The following C12orf42 variants were observed in gnomAD, a reference collection of about 807,000 sequenced individuals.
The protein encoded by C12orf42 is uncharacterized protein C12orf42.
C12orf42 carries 25 observed loss-of-function variants against 21.6 expected under a neutral mutation model. That is an observed-to-expected ratio of 1.16 (90% CI 0.84 to 1.62). The LOEUF (loss-of-function observed/expected upper bound fraction) is 1.62. C12orf42 is among the 40% of genes most tolerant of loss of function. C12orf42 has a pLI of 0.00. For missense variants in C12orf42, 483 were observed against 459.3 expected (o/e 1.05, Z -0.47); for synonymous variants, 174 against 175.0 (o/e 0.99, Z 0.05).
chr12:103,501,632 G>C, the C12orf42 span, among the ~76,000 whole-genome samples: 1 of 152,152 alleles, frequency 6.6e-6, no homozygotes, highest in Non-Finnish European at 1.5e-5. Flanking sequence ...TGTCCAGACT[G>C]TGTACATTGC....
chr12:103,094,997 A>C, the C12orf42 span, among the ~76,000 whole-genome samples: 2 of 152,368 alleles, frequency 1.3e-5, no homozygotes, highest in Admixed American at 6.5e-5. Context: ...TAATTTTACC[A>C]CAGGTCCAAA....
intron 10 of C12orf42, among the ~76,000 whole-genome samples, chr12:103,259,470 G>C (rs1024745914): frequency 2.0e-5 from 3 of 152,082 alleles, no homozygotes; most frequent in Non-Finnish European, 4.4e-5. Flanking sequence ...GTAGAGACAG[G>C]GTTTCACCAA....
At chr12:103,152,481 C>A in the C12orf42 span, among the ~76,000 whole-genome samples, 2 of 151,640 alleles carry the variant, frequency 1.3e-5, no homozygotes, top group African/African-American at 4.9e-5. Flanking sequence ...CTAGCAAATG[C>A]AACAAAACAA....
chr12:103,517,622 A>T, the C12orf42 span, among the ~76,000 whole-genome samples: 1 of 152,184 alleles, frequency 6.6e-6, no homozygotes, highest in South Asian at 2.1e-4. Flanking sequence ...AAAAGACACC[A>T]CAGTGGTACA....
the C12orf42 span, among the ~76,000 whole-genome samples, chr12:103,051,895 T>C: frequency 6.6e-6 from 1 of 152,210 alleles, no homozygotes; most frequent in Non-Finnish European, 1.5e-5. Flanking sequence ...TCCCACTTAT[T>C]ACACTATGAC....
the C12orf42 span, among the ~76,000 whole-genome samples, chr12:103,160,610 A>G: frequency 6.6e-6 from 1 of 152,224 alleles, no homozygotes; most frequent in Admixed American, 6.5e-5. Flanking sequence ...GGCTGTCTAT[A>G]TTTGCTAATA....
chr12:103,395,626 C>T (rs10161272), intron 3 of C12orf42, among the ~76,000 whole-genome samples: 94,073 of 151,986 alleles, frequency 0.62, 30,242 homozygotes, highest in Admixed American at 0.73. Flanking sequence ...TGAGCCACCA[C>T]GCCAGGTCCA....
chr12:103,355,761 C>T (rs969333769), intron 4 of C12orf42, among the ~76,000 whole-genome samples: 1 of 152,086 alleles, frequency 6.6e-6, no homozygotes, highest in Admixed American at 6.6e-5. Flanking sequence ...TTTAGCAAGA[C>T]ATCCTAGCTG....
the C12orf42 span, among the ~76,000 whole-genome samples, chr12:103,136,768 C>T: frequency 2.0e-5 from 3 of 152,144 alleles, no homozygotes; most frequent in Non-Finnish European, 4.4e-5. Flanking sequence ...GTGTCAACCT[C>T]ATACATTGGG....
At chr12:103,383,396 G>A (rs868417457) in intron 3 of C12orf42, among the ~76,000 whole-genome samples, 9 of 152,062 alleles carry the variant, frequency 5.9e-5, no homozygotes, top group Non-Finnish European at 1.2e-4. Flanking sequence ...GAGCCACTGC[G>A]CCTGGCCTCA....
At chr12:103,324,088 G>T (rs35782114) in intron 4 of C12orf42, among the ~76,000 whole-genome samples, 1 of 152,220 alleles carries the variant, frequency 6.6e-6, no homozygotes, top group South Asian at 2.1e-4. Flanking sequence ...TTACTCTTTA[G>T]GTAGCAGTTG....
the C12orf42 span, among the ~76,000 whole-genome samples, chr12:103,088,113 G>C: frequency 6.6e-6 from 1 of 152,284 alleles, no homozygotes; most frequent in South Asian, 2.1e-4. Flanking sequence ...CTTACAAACA[G>C]ATCAAATTTT....
chr12:103,350,034 AAATGACCAAATTTAGGAAGATAAGAT>A (rs1429919677), intron 4 of C12orf42, among the ~76,000 whole-genome samples: 15 of 152,286 alleles, frequency 9.8e-5, no homozygotes, highest in Admixed American at 3.9e-4. Context: ...GAAAAGATTA[AAATGACCAAATTTAGGAAGATAAGAT>A]AATGACCAAA....
chr12:103,531,180 G>A, the C12orf42 span, among the ~76,000 whole-genome samples: 10 of 152,180 alleles, frequency 6.6e-5, no homozygotes, highest in Non-Finnish European at 1.2e-4. Flanking sequence ...AATGAAAATT[G>A]ATATATATGT....
chr12:103,302,389 CG>C lies in C12orf42; in HGVS notation c.801del (p.Ala268ArgfsTer60). On this transcript the variant is annotated frameshift_variant, in exon 6 of 6. Coordinates refer to ENST00000548883, the MANE Select transcript of C12orf42 (RefSeq NM_198521.5). LOFTEE classifies it low-confidence loss of function (END_TRUNC). Reference protein sequence around the residue: ...HPDDIQSRLLGASGNPVGKGA... With the variant: ...HPDDIQSRLLXASGNPVGKGA... Reference sequence around the variant, plus strand: ...CCTTTTCCGACGGGATTTCCGGACGCGCCCAGGAGTCTGCTTTGGATGTCGT... The same window carrying C: ...CCTTTTCCGACGGGATTTCCGGACGCCCCAGGAGTCTGCTTTGGATGTCGT... The C allele has an allele frequency of 6.2e-7, 1 of 1,613,904 alleles. No homozygotes were observed. Among genetic ancestry groups the C allele is most frequent in the Non-Finnish European group, 8.5e-7 (1 of 1,179,886 alleles).
At chr12:103,411,850 T>C (rs539691731) in intron 2 of C12orf42, among the ~76,000 whole-genome samples, 4 of 152,258 alleles carry the variant, frequency 2.6e-5, no homozygotes, top group Non-Finnish European at 4.4e-5. Context: ...TGTGTGCACA[T>C]GCATGCACAC....
At chr12:103,083,180 C>T in the C12orf42 span, among the ~76,000 whole-genome samples, 9 of 152,324 alleles carry the variant, frequency 5.9e-5, no homozygotes, top group African/African-American at 2.2e-4. Context: ...ACCTGACCAA[C>T]ATGGCGAAAC....
At chr12:103,395,379 A>G (rs1398806628) in intron 3 of C12orf42, among the ~76,000 whole-genome samples, 1 of 143,412 alleles carries the variant, frequency 7.0e-6, no homozygotes, top group East Asian at 2.1e-4. Flanking sequence ...TCTGTCGCCC[A>G]GGCTGGAGTG....
the C12orf42 span, chr12:103,547,952 T>G: frequency 5.3e-5 from 8 of 152,272 alleles, no homozygotes; most frequent in African/African-American, 1.9e-4. Flanking sequence ...GGCCTATTTC[T>G]TCATTTGTAA....
Sources: allele counts gnomAD v4.1 joint callset (sites outside exome capture counted in the v4.1 genomes callset), GRCh38; gene constraint gnomAD v4.1.1; transcripts MANE v1.5; gene names NCBI Gene and HGNC (gene_info 2026-07-23, HGNC 2026-07-21).